HSD17B14: variants seen among roughly 807,000 people sequenced by gnomAD.
HSD17B14 encodes the protein L-fucose dehydrogenase.
A neutral mutation model predicts 32.2 loss-of-function variants in HSD17B14; 32 were observed. The observed-to-expected ratio is 0.99, with a 90% CI of 0.75 to 1.33. HSD17B14 has a LOEUF of 1.33. HSD17B14 is among the 40% of genes most tolerant of loss of function. The probability of loss-of-function intolerance (pLI) is 0.00; values close to 1 mark genes in which losing one functional copy is unlikely to be tolerated. For synonymous variants in HSD17B14, 140 were observed against 155.4 expected (o/e 0.90, Z 0.74); for missense variants, 370 against 366.5 (o/e 1.01, Z -0.08).
In HSD17B14 at chr19:48,815,047, A is replaced by T. The variant is rs2035028090; in HGVS notation, c.464T>A (p.Val155Glu). 1.9e-6 allele frequency: 3 copies of T among 1,613,538 alleles called. No individual in the cohort carries two copies. The highest frequency in any genetic ancestry group is 2.5e-6 in the Non-Finnish European group (3 of 1,179,616). Residue 155 changes from valine to glutamate, a missense_variant, in exon 6 of 9, where the codon GTG (valine) becomes GAG (glutamate). Val to Glu is a moderately radical substitution (Grantham distance 121). Coordinates refer to ENST00000263278, the MANE Select transcript of HSD17B14 (RefSeq NM_016246.3). The part of the protein sequence containing the change: ...AIGQAQAVPY[V>E]ATKGAVTAMT... ...TAGGGGCTGCCATACCTTGGTGGCC[A>T]CATAGGGAACTGCCTGGGCCTGGCC...
intron 5 of HSD17B14, among the ~76,000 whole-genome samples, chr19:48,829,045 A>G (rs2122785221): frequency 6.6e-6 from 1 of 152,184 alleles, no homozygotes; most frequent in East Asian, 1.9e-4. Flanking sequence ...TGGGTGACAG[A>G]GTAAGACTCT....
In HSD17B14 at chr19:48,834,256, G is replaced by A; in HGVS notation, c.210+20C>T. On this transcript the variant is annotated intron_variant, in intron 3 of 8. Transcript: ENST00000263278. ...CTGGTCATTAGCGGAGATGGGGGTAGGAACAGGAACTCGGCTTACCTTCAC... is the reference window on the plus strand; with the variant it reads ...CTGGTCATTAGCGGAGATGGGGGTAAGAACAGGAACTCGGCTTACCTTCAC... 1 of 1,600,322 alleles carries A rather than the reference G, an allele frequency of 6.2e-7. No individual in the cohort carries two copies. Among genetic ancestry groups the A allele is most frequent in the South Asian group, 1.1e-5 (1 of 90,736 alleles).
intron 5 of HSD17B14, among the ~76,000 whole-genome samples, chr19:48,827,046 T>A (rs1184099958): frequency 7.2e-6 from 1 of 138,896 alleles, no homozygotes; most frequent in Non-Finnish European, 1.6e-5. Context: ...AAAACCCCAC[T>A]TTTTTTTTTT....
At chr19:48,832,849 G>A (rs532759188) in intron 3 of HSD17B14, 117 bp from the exon 4 acceptor site, 39 of 832,562 alleles carry the variant, frequency 4.7e-5, no homozygotes, top group South Asian at 1.6e-4. Flanking sequence ...AGCCTCCTGC[G>A]TTCAAGCAAC....
chr19:48,820,418 C>T (rs998843006), intron 5 of HSD17B14, among the ~76,000 whole-genome samples: 8 of 151,452 alleles, frequency 5.3e-5, no homozygotes, highest in African/African-American at 1.9e-4. Context: ...TGCAGTGAGC[C>T]GAGATTGCAC....
At position 48,813,512 on chromosome 19, in the gene HSD17B14, G is replaced by A. The variant is rs745661373; in HGVS notation, c.583C>T (p.Leu195=). Residue 195 remains leucine, a synonymous_variant, in exon 8 of 9, where the codon CTG becomes TTG. Transcript: ENST00000263278. ...GNIWTPLWEE[L]AALMPDPRAT... ...CTAGGGTCTGGCATTAAGGCTGCCA[G>A]CTCCTCCCACAGCGGGGTCCAGATG... The A allele has an allele frequency of 6.2e-7, 1 of 1,614,110 alleles. No homozygotes were observed. Among genetic ancestry groups the A allele is most frequent in the Non-Finnish European group, 8.5e-7 (1 of 1,179,998 alleles).
intron 5 of HSD17B14, among the ~76,000 whole-genome samples, chr19:48,822,864 A>T (rs923671628): frequency 1.4e-4 from 21 of 151,874 alleles, no homozygotes; most frequent in Non-Finnish European, 2.2e-4. Flanking sequence ...GATGGTGGTG[A>T]TGGTGAAAAT....
intron 5 of HSD17B14, among the ~76,000 whole-genome samples, chr19:48,817,189 A>G (rs12977992): frequency 7.1e-5 from 4 of 56,100 alleles, no homozygotes; most frequent in African/African-American, 1.8e-4. Flanking sequence ...TTTTTGTTTT[A>G]TTTTTTGAGA....
intron 5 of HSD17B14, among the ~76,000 whole-genome samples, chr19:48,830,178 C>T (rs966332203): frequency 6.6e-6 from 1 of 152,052 alleles, no homozygotes; most frequent in Non-Finnish European, 1.5e-5. Context: ...ACCCAACCCC[C>T]CTTTCTTCAA....
rs1430951483 is a variant in HSD17B14 at position 48,813,276 on chromosome 19, A to G, written c.712T>C (p.Cys238Arg). The G allele has an allele frequency of 6.2e-7, 1 of 1,606,422 alleles. No individual in the cohort carries two copies. The highest frequency in any genetic ancestry group is 8.5e-7 in the Non-Finnish European group (1 of 1,176,588). ...GTCACGAGCAGTTCAATGCCCGTGCAGAAGTTGGCTTCGGAGGCCAGGAAC... is the reference window on the plus strand; with the variant it reads ...GTCACGAGCAGTTCAATGCCCGTGCGGAAGTTGGCTTCGGAGGCCAGGAAC... ...AVFLASEANF[C>R]TGIELLVTGG... is the part of the protein sequence containing the mutation. Residue 238 changes from cysteine to arginine, a missense_variant, in exon 9 of 9, where the codon TGC becomes CGC. Transcript: ENST00000263278.
chr19:48,821,619 G>A (rs1466414745), intron 5 of HSD17B14, among the ~76,000 whole-genome samples: 1 of 151,636 alleles, frequency 6.6e-6, no homozygotes, highest in Non-Finnish European at 1.5e-5. Flanking sequence ...AAAAAAGAGA[G>A]CTTCTATGGG....
chr19:48,832,248 G>A (rs561812623), intron 4 of HSD17B14, among the ~76,000 whole-genome samples: 46 of 150,868 alleles, frequency 3.0e-4, no homozygotes, highest in Non-Finnish European at 6.6e-4. Flanking sequence ...GCGTGCTGGT[G>A]GGCGCCTGTA....
At chr19:48,823,538 T>G (rs954215114) in intron 5 of HSD17B14, among the ~76,000 whole-genome samples, 1 of 152,144 alleles carries the variant, frequency 6.6e-6, no homozygotes, top group Non-Finnish European at 1.5e-5. Flanking sequence ...TTTATGTATA[T>G]ACAGACACAT....
chr19:48,834,171 A>T, intron 3 of HSD17B14, 105 bp downstream of exon 3: 1 of 882,826 alleles, frequency 1.1e-6, no homozygotes, highest in Non-Finnish European at 1.8e-6. Context: ...CAGCGGAGCC[A>T]GGAGAGGAAG....
intron 5 of HSD17B14, among the ~76,000 whole-genome samples, chr19:48,817,090 G>T (rs1490128745): frequency 6.9e-6 from 1 of 145,406 alleles, no homozygotes; most frequent in Non-Finnish European, 1.5e-5. Flanking sequence ...CACATGATCT[G>T]CCTGGCTCGG....
At chr19:48,816,116 T>C (rs1341090596) in intron 5 of HSD17B14, among the ~76,000 whole-genome samples, 1 of 151,132 alleles carries the variant, frequency 6.6e-6, no homozygotes, top group Non-Finnish European at 1.5e-5. Context: ...CCCTAAATAC[T>C]CTCTCTGTGT....
chr19:48,829,492 C>A (rs1036818457), intron 5 of HSD17B14, among the ~76,000 whole-genome samples: 1 of 148,324 alleles, frequency 6.7e-6, no homozygotes, highest in East Asian at 2.0e-4. Context: ...GCTGGGATTA[C>A]AGGCACCTGC....
chr19:48,814,669 G>A (rs526937), intron 6 of HSD17B14, among the ~76,000 whole-genome samples: 4,371 of 151,184 alleles, frequency 0.029, 204 homozygotes, highest in African/African-American at 0.098. Context: ...GTGAAACCCC[G>A]TCTCTACTAA....
In HSD17B14 at chr19:48,813,567, A is replaced by T. The variant is rs558024141; in HGVS notation, c.543-15T>A. ...CTGGGGAGATACTAGAGGAAGGGAGAGGGGGGATCAAAGCAATCTGTCTCG... is the reference window on the plus strand; with the variant it reads ...CTGGGGAGATACTAGAGGAAGGGAGTGGGGGGATCAAAGCAATCTGTCTCG... On this transcript the variant is annotated splice_polypyrimidine_tract_variant and intron_variant, in intron 7 of 8. Transcript: ENST00000263278. 3.1e-6 allele frequency: 5 copies of T among 1,613,362 alleles called. No homozygotes were observed. The East Asian group carries it at 1.1e-4, about 36-fold the overall frequency.
Sources: gnomAD v4.1 joint callset for allele counts (sites outside exome capture counted in the v4.1 genomes callset) on GRCh38, gnomAD v4.1.1 for gene constraint, MANE v1.5 for transcripts, NCBI Gene and HGNC (gene_info 2026-07-23, HGNC 2026-07-21) for gene names.